The following MAP4K3 variants were observed in gnomAD, a reference collection of about 807,000 sequenced individuals.
The protein encoded by MAP4K3 is mitogen-activated protein kinase kinase kinase kinase 3.
MAP4K3 carries 94 observed loss-of-function variants against 143.5 expected under a neutral mutation model. The observed-to-expected ratio is 0.65, with a 90% CI of 0.55 to 0.78. MAP4K3 has a LOEUF of 0.78. MAP4K3 is among the 30% of genes least tolerant of loss of function. The probability of loss-of-function intolerance (pLI) is 0.00; values close to 1 mark genes in which losing one functional copy is unlikely to be tolerated. For synonymous variants in MAP4K3, 416 were observed against 347.2 expected (o/e 1.20, Z -2.20); for missense variants, 1,077 against 1,068.1 (o/e 1.01, Z -0.12).
chr2:39,337,075 CAGG>C, intron 5 of MAP4K3, 108 bp from the exon 6 acceptor site: 1 of 562,236 alleles, frequency 1.8e-6, no homozygotes, highest in Non-Finnish European at 3.2e-6. Flanking sequence ...TTAATCTTTA[CAGG>C]AGATCTAGTA....
intron 1 of MAP4K3, among the ~76,000 whole-genome samples, chr2:39,382,847 C>T (rs1194060488): frequency 1.3e-5 from 2 of 152,050 alleles, no homozygotes; most frequent in African/African-American, 2.4e-5. Context: ...ACTTATAAGC[C>T]TGAAAAGGTA....
chr2:39,307,956 G>T lies in MAP4K3; in HGVS notation c.1106C>A (p.Ala369Glu), dbSNP rs757142272. ...GATGAGAAATACCAGATTAGATCTT[G>T]CAGTGTAGTATATTTCTTCTGAACT... ...LDSSEEIYYT[A>E]RSNLDLQLEY... The change falls in exon 15 of 34, where the codon GCA becomes GAA. Residue 369 changes from alanine to glutamate, a missense_variant. This residue lies in a region of MAP4K3 where 864 missense variants were observed against 801.2 expected (regional missense o/e 1.08). Coordinates refer to ENST00000263881, the MANE Select transcript of MAP4K3 (RefSeq NM_003618.4). 2 of 1,581,394 alleles carry T rather than the reference G, an allele frequency of 1.3e-6. No homozygotes were observed. Among genetic ancestry groups the T allele is most frequent in the Non-Finnish European group, 1.7e-6 (2 of 1,164,404 alleles).
At chr2:39,349,916 T>C (rs955412730) in intron 3 of MAP4K3, among the ~76,000 whole-genome samples, 2 of 152,202 alleles carry the variant, frequency 1.3e-5, no homozygotes, top group Middle Eastern at 3.2e-3. Flanking sequence ...CTAGCAATAC[T>C]GGTAAAGGAA....
chr2:39,360,025 C>T (rs889868378), intron 2 of MAP4K3, among the ~76,000 whole-genome samples: 1 of 152,232 alleles, frequency 6.6e-6, no homozygotes, highest in East Asian at 1.9e-4. Flanking sequence ...TAAATTTCTG[C>T]AGCAGGTTTG....
At chr2:39,299,170 TTAA>T in intron 16 of MAP4K3, among the ~76,000 whole-genome samples, 1 of 152,316 alleles carries the variant, frequency 6.6e-6, no homozygotes, top group Middle Eastern at 3.4e-3. Context: ...ATTTAAATTG[TTAA>T]TGTTTGTAAG....
chr2:39,318,595 G>A (rs1191374433), intron 12 of MAP4K3, among the ~76,000 whole-genome samples: 1 of 152,028 alleles, frequency 6.6e-6, no homozygotes, highest in Non-Finnish European at 1.5e-5. Context: ...GAGAAGCACT[G>A]ATGAAAATAA....
intron 1 of MAP4K3, among the ~76,000 whole-genome samples, chr2:39,421,320 C>T (rs1667540491): frequency 6.6e-6 from 1 of 150,684 alleles, no homozygotes; most frequent in Non-Finnish European, 1.5e-5. Flanking sequence ...TGCCTGAATT[C>T]AATCCTGGTT....
intron 2 of MAP4K3, among the ~76,000 whole-genome samples, chr2:39,359,693 A>C (rs972898381): frequency 5.9e-5 from 9 of 152,254 alleles, no homozygotes; most frequent in African/African-American, 2.2e-4. Context: ...AGAGGTTCTC[A>C]AACCTCAGTT....
At position 39,334,663 on chromosome 2, in the gene MAP4K3, T is replaced by C. The variant is rs189586811; in HGVS notation, c.415-1089A>G. 5.3e-5 allele frequency among the ~76,000 whole-genome samples: 8 copies of C among 152,274 alleles called. 1 individual carries two copies. The highest frequency in any genetic ancestry group is 4.6e-4 in the Admixed American group (7 of 15,286). On this transcript the variant is annotated intron_variant, in intron 6 of 33. Transcript: ENST00000263881. ...AGCTCAGACTAACTTTCCTAAGTTA[T>C]AGCTTATAATCACATCACTTGTACA...
intron 12 of MAP4K3, among the ~76,000 whole-genome samples, chr2:39,317,587 G>A (rs1683158877): frequency 6.6e-6 from 1 of 151,984 alleles, no homozygotes; most frequent in African/African-American, 2.4e-5. Context: ...ATTAAAAAGT[G>A]GGCAAAGGAC....
chr2:39,368,911 T>G (rs945661584), intron 2 of MAP4K3, among the ~76,000 whole-genome samples: 2 of 152,134 alleles, frequency 1.3e-5, no homozygotes, highest in African/African-American at 4.8e-5. Context: ...ATAAACTCAA[T>G]TTTTACATAT....
At chr2:39,268,643 T>TTTTTTTTG in intron 26 of MAP4K3, among the ~76,000 whole-genome samples, 1 of 119,404 alleles carries the variant, frequency 8.4e-6, no homozygotes, top group Non-Finnish European at 1.9e-5. Context: ...TATTTTTTTT[T>TTTTTTTTG]TTTTTTTTTT....
At chr2:39,391,387 A>G (rs2148595927) in intron 1 of MAP4K3, among the ~76,000 whole-genome samples, 1 of 150,244 alleles carries the variant, frequency 6.7e-6, no homozygotes, top group African/African-American at 2.4e-5. Context: ...AAAAAGAAAG[A>G]AAGAAAGAAT....
chr2:39,288,363 T>G, intron 19 of MAP4K3, 83 bp from the exon 20 acceptor site: 2 of 1,232,938 alleles, frequency 1.6e-6, no homozygotes, highest in Non-Finnish European at 2.3e-6. Context: ...TTAAAAGCTT[T>G]CAAATTATTT....
At chr2:39,287,005 GA>G (rs1302520776) in intron 20 of MAP4K3, 41 bp from the exon 21 acceptor site, 2 of 1,278,948 alleles carry the variant, frequency 1.6e-6, no homozygotes, top group African/African-American at 3.0e-5. Context: ...TAATCTTCAT[GA>G]AAACTTTTAT....
chr2:39,356,064 C>T (rs534443796), intron 3 of MAP4K3, 185 bp downstream of exon 3: 3 of 480,634 alleles, frequency 6.2e-6, no homozygotes, highest in African/African-American at 2.0e-5. Flanking sequence ...CCAAGTCATA[C>T]GACTGCAATA....
chr2:39,259,827 T>C (rs556717542), intron 29 of MAP4K3, among the ~76,000 whole-genome samples: 1 of 152,320 alleles, frequency 6.6e-6, no homozygotes, highest in African/African-American at 2.4e-5. Flanking sequence ...AATTTAATTA[T>C]TTCCAAGAAA....
intron 12 of MAP4K3, among the ~76,000 whole-genome samples, chr2:39,316,084 T>C (rs1229862749): frequency 6.6e-6 from 1 of 152,106 alleles, no homozygotes; most frequent in African/African-American, 2.4e-5. Flanking sequence ...CTCCACTCCA[T>C]CTCAGTTTCT....
At chr2:39,341,278 A>T (rs1204190606) in intron 4 of MAP4K3, among the ~76,000 whole-genome samples, 8 of 152,168 alleles carry the variant, frequency 5.3e-5, no homozygotes. Context: ...CTGTCAACCT[A>T]GAAAATACCT....
Sources: allele counts gnomAD v4.1 joint callset (sites outside exome capture counted in the v4.1 genomes callset), GRCh38; gene constraint gnomAD v4.1.1; regional missense constraint gnomAD v4.1.1; transcripts MANE v1.5; gene names NCBI Gene and HGNC (gene_info 2026-07-23, HGNC 2026-07-21).